Variants in KCNH8 observed in about 807,000 individuals in gnomAD.
KCNH8 encodes the protein potassium voltage-gated channel subfamily H member 8.
A neutral mutation model predicts 103.6 loss-of-function variants in KCNH8; 70 were observed. The observed-to-expected ratio is 0.68, with a 90% CI of 0.56 to 0.82. The LOEUF is 0.82. Ranked by LOEUF, KCNH8 falls within the 40% of genes least tolerant of loss-of-function variation. The pLI is 0.00. For synonymous variants in KCNH8, 498 were observed against 489.4 expected (o/e 1.02, Z -0.23); for missense variants, 1,217 against 1,329.9 (o/e 0.92, Z 1.32).
At chr3:19,450,487 T>C (rs1420644490) in intron 9 of KCNH8, 182 bp downstream of exon 9, 2 of 607,062 alleles carry the variant, frequency 3.3e-6, no homozygotes, top group East Asian at 5.6e-5. Context: ...GTTTTCACAA[T>C]GCCAATTTGG....
At chr3:19,366,866 G>A (rs189009116) in intron 5 of KCNH8, among the ~76,000 whole-genome samples, 98 of 152,112 alleles carry the variant, frequency 6.4e-4, no homozygotes, top group Non-Finnish European at 4.4e-5. Context: ...ATAGTGAAAA[G>A]TTATTTAAAT....
At chr3:19,491,251 C>T (rs2068314414) in intron 11 of KCNH8, among the ~76,000 whole-genome samples, 1 of 152,022 alleles carries the variant, frequency 6.6e-6, no homozygotes, top group Non-Finnish European at 1.5e-5. Context: ...GGTACATGGG[C>T]AGGTTTATTA....
intron 1 of KCNH8, among the ~76,000 whole-genome samples, chr3:19,206,804 A>T (rs2063721462): frequency 6.6e-6 from 1 of 152,086 alleles, no homozygotes; most frequent in Non-Finnish European, 1.5e-5. Context: ...AGGAAGAAAG[A>T]CAGGTGATGA....
intron 1 of KCNH8, among the ~76,000 whole-genome samples, chr3:19,172,260 A>G (rs2063355538): frequency 1.3e-5 from 2 of 151,990 alleles, no homozygotes; most frequent in South Asian, 4.2e-4. Flanking sequence ...CCTTGTTTGC[A>G]CTCATTATGG....
chr3:19,285,838 G>C (rs562065981), intron 3 of KCNH8, among the ~76,000 whole-genome samples: 2 of 152,106 alleles, frequency 1.3e-5, no homozygotes, highest in Non-Finnish European at 2.9e-5. Flanking sequence ...CCAGTTTTGC[G>C]ATACAGTATG....
At chr3:19,421,888 T>C (rs1214721963) in intron 7 of KCNH8, among the ~76,000 whole-genome samples, 1 of 152,154 alleles carries the variant, frequency 6.6e-6, no homozygotes, top group African/African-American at 2.4e-5. Context: ...CTTTTTGTTT[T>C]GTTTTGTTTG....
intron 1 of KCNH8, among the ~76,000 whole-genome samples, chr3:19,250,865 T>C (rs2064267773): frequency 6.6e-6 from 1 of 152,204 alleles, no homozygotes; most frequent in African/African-American, 2.4e-5. Flanking sequence ...TCCTGTCACC[T>C]CACTCTAGGA....
At chr3:19,374,136 A>C (rs2066151635) in intron 5 of KCNH8, among the ~76,000 whole-genome samples, 1 of 150,928 alleles carries the variant, frequency 6.6e-6, no homozygotes, top group South Asian at 2.1e-4. Flanking sequence ...CACTTGGTGC[A>C]GAGCTGAGTT....
intron 1 of KCNH8, among the ~76,000 whole-genome samples, chr3:19,217,863 G>A (rs1345621576): frequency 6.6e-6 from 1 of 152,124 alleles, no homozygotes; most frequent in African/African-American, 2.4e-5. Context: ...ACCTTATTTA[G>A]TTTGTTTGGG....
chr3:19,511,799 T>G (rs1024501030), intron 12 of KCNH8, among the ~76,000 whole-genome samples: 1 of 152,124 alleles, frequency 6.6e-6, no homozygotes, highest in South Asian at 2.1e-4. Context: ...GTACAAGAAC[T>G]TCATAAGTAA....
rs138090756 is a variant in KCNH8, at chr3:19,533,467, G to A, written c.2692G>A (p.Val898Ile). The change falls in exon 16 of 16, where the codon GTT becomes ATT. Residue 898 changes from valine to isoleucine, a missense_variant. Coordinates refer to ENST00000328405, the MANE Select transcript of KCNH8 (RefSeq NM_144633.3). ...AAATGTGATCCAGCTTCTGGAAAACGTTCTGTCACCTCAGCAGCCATCACG... is the reference window on the plus strand; with the variant it reads ...AAATGTGATCCAGCTTCTGGAAAACATTCTGTCACCTCAGCAGCCATCACG... Reference protein sequence around the residue: ...MRNVIQLLENVLSPQQPSRFC... With the variant: ...MRNVIQLLENILSPQQPSRFC... The A allele has an allele frequency of 4.4e-4, 703 of 1,614,112 alleles. 1 individual carries two copies. The highest frequency in any genetic ancestry group is 5.0e-4 in the Non-Finnish European group (589 of 1,180,016).
intron 1 of KCNH8, 28 bp downstream of exon 1, chr3:19,148,823 T>A: frequency 6.3e-7 from 1 of 1,590,464 alleles, no homozygotes; most frequent in Non-Finnish European, 8.6e-7. Context: ...ACGAGTGGTA[T>A]GGCATTTTCT....
chr3:19,274,433 C>T (rs893797894), intron 2 of KCNH8, among the ~76,000 whole-genome samples: 1 of 152,108 alleles, frequency 6.6e-6, no homozygotes, highest in Non-Finnish European at 1.5e-5. Context: ...TGTTCCATTT[C>T]CTACTATAAA....
chr3:19,257,533 T>G (rs1292303542), intron 2 of KCNH8, among the ~76,000 whole-genome samples: 1 of 152,082 alleles, frequency 6.6e-6, no homozygotes, highest in Non-Finnish European at 1.5e-5. Context: ...TCTGATAGCA[T>G]GAAAGACCAT....
chr3:19,464,659 A>T (rs1307729391), intron 11 of KCNH8, among the ~76,000 whole-genome samples: 2 of 152,152 alleles, frequency 1.3e-5, no homozygotes, highest in Non-Finnish European at 2.9e-5. Flanking sequence ...GAATGTATTA[A>T]AACTCCTAAA....
intron 11 of KCNH8, among the ~76,000 whole-genome samples, chr3:19,486,888 C>G (rs2068222522): frequency 6.6e-6 from 1 of 152,172 alleles, no homozygotes; most frequent in Non-Finnish European, 1.5e-5. Context: ...CTGCGCTCCC[C>G]TTTCCGAATA....
At chr3:19,291,038 T>A (rs2064915198) in intron 3 of KCNH8, among the ~76,000 whole-genome samples, 1 of 152,192 alleles carries the variant, frequency 6.6e-6, no homozygotes, top group Non-Finnish European at 1.5e-5. Flanking sequence ...CATAGAGGTG[T>A]TTATAGTATT....
chr3:19,464,890 ATAAT>A (rs1032382185), intron 11 of KCNH8, among the ~76,000 whole-genome samples: 3 of 152,312 alleles, frequency 2.0e-5, no homozygotes, highest in African/African-American at 7.2e-5. Flanking sequence ...TCATAGTAAA[ATAAT>A]TTAATAAATT....
At chr3:19,235,706 T>A (rs1379074976) in intron 1 of KCNH8, among the ~76,000 whole-genome samples, 1 of 152,190 alleles carries the variant, frequency 6.6e-6, no homozygotes. Context: ...TCTTAAAAAA[T>A]GCAGATGCTG....
Sources: gnomAD v4.1 joint callset for allele counts (sites outside exome capture counted in the v4.1 genomes callset) on GRCh38, gnomAD v4.1.1 for gene constraint, MANE v1.5 for transcripts, NCBI Gene and HGNC (gene_info 2026-07-23, HGNC 2026-07-21) for gene names.